MUSK: variants seen among roughly 807,000 people sequenced by gnomAD.
MUSK encodes muscle, skeletal receptor tyrosine-protein kinase.
A neutral mutation model predicts 88.7 loss-of-function variants in MUSK; 55 were observed. That is an observed-to-expected ratio of 0.62 (90% confidence interval 0.50 to 0.78). The LOEUF is 0.78. MUSK is among the 30% of genes least tolerant of loss of function. MUSK has a pLI of 0.00. For synonymous variants in MUSK, 387 were observed against 391.9 expected, an observed-to-expected ratio of 0.99 and a Z score of 0.15; for missense variants, 1,015 against 1,074.3, an observed-to-expected ratio of 0.94 and a Z score of 0.77.
At chr9:110,680,996 ATATAT>A (rs1158963644) in intron 1 of MUSK, among the ~76,000 whole-genome samples, 11 of 74,938 alleles carry the variant, frequency 1.5e-4, no homozygotes, top group Admixed American at 4.2e-4. Flanking sequence ...GATCCTTATA[ATATAT>A]TATATTATAT....
At chr9:110,782,242 TA>T (rs1266408695) in intron 11 of MUSK, among the ~76,000 whole-genome samples, 1 of 151,988 alleles carries the variant, frequency 6.6e-6, no homozygotes, top group East Asian at 1.9e-4. Context: ...AGAGAAAAGA[TA>T]AAAAGGAAAA....
At chr9:110,712,855 A>G (rs899437177) in intron 5 of MUSK, among the ~76,000 whole-genome samples, 1 of 152,004 alleles carries the variant, frequency 6.6e-6, no homozygotes, top group Admixed American at 6.6e-5. Flanking sequence ...TTTCTTGAAA[A>G]GTGTTCAAAT....
At chr9:110,776,589 C>G in intron 10 of MUSK, 43 bp from the exon 11 acceptor site, 1 of 1,511,224 alleles carries the variant, frequency 6.6e-7, no homozygotes, top group Non-Finnish European at 9.2e-7. Context: ...TGTGAGATAT[C>G]TGGATGCTCA....
chr9:110,728,418 G>C (rs572155176), intron 5 of MUSK: 1 of 424,524 alleles, frequency 2.4e-6, no homozygotes, highest in Admixed American at 4.1e-5. Context: ...GAGCTACATT[G>C]TTAGGTATGC....
intron 6 of MUSK, among the ~76,000 whole-genome samples, chr9:110,736,026 A>G (rs1364999319): frequency 6.6e-6 from 1 of 152,144 alleles, no homozygotes; most frequent in African/African-American, 2.4e-5. Context: ...TGGTGGGGAC[A>G]CAGATCTAAA....
intron 1 of MUSK, among the ~76,000 whole-genome samples, chr9:110,678,433 T>C (rs1296752120): frequency 6.6e-6 from 1 of 152,162 alleles, no homozygotes; most frequent in Non-Finnish European, 1.5e-5. Flanking sequence ...TATGAGCCAC[T>C]GCACCTGGCT....
At chr9:110,698,798 C>T (rs1228536024) in intron 5 of MUSK, among the ~76,000 whole-genome samples, 1 of 152,004 alleles carries the variant, frequency 6.6e-6, no homozygotes, top group African/African-American at 2.4e-5. Flanking sequence ...CTATTTGAAG[C>T]TCCGTATTCA....
At chr9:110,781,422 G>A (rs866999528) in intron 11 of MUSK, among the ~76,000 whole-genome samples, 9 of 151,974 alleles carry the variant, frequency 5.9e-5, no homozygotes, top group South Asian at 2.1e-4. Context: ...GACTACAGGC[G>A]CCCACCACCA....
At chr9:110,705,077 A>T (rs2076579664) in intron 5 of MUSK, among the ~76,000 whole-genome samples, 1 of 152,106 alleles carries the variant, frequency 6.6e-6, no homozygotes, top group Non-Finnish European at 1.5e-5. Context: ...CTTTATAAAG[A>T]GAACTTTATA....
At chr9:110,753,806 C>T (rs1349017584) in intron 7 of MUSK, among the ~76,000 whole-genome samples, 1 of 152,120 alleles carries the variant, frequency 6.6e-6, no homozygotes, top group Non-Finnish European at 1.5e-5. Context: ...CCAGATGAAC[C>T]ACATGGTTTT....
At chr9:110,773,263 C>T (rs1014764160) in intron 9 of MUSK, among the ~76,000 whole-genome samples, 7 of 151,968 alleles carry the variant, frequency 4.6e-5, no homozygotes, top group South Asian at 2.1e-4. Flanking sequence ...AAATAACAAA[C>T]GGAGAGGAGA....
intron 1 of MUSK, among the ~76,000 whole-genome samples, 191 bp downstream of exon 1, chr9:110,669,174 T>C (rs1049721665): frequency 2.0e-5 from 3 of 152,212 alleles, no homozygotes; most frequent in South Asian, 2.1e-4. Flanking sequence ...ACCAATATTT[T>C]ACTCCGAAGT....
rs189392425 is a variant in MUSK, at chr9:110,672,230, A to G, written c.79+3247A>G. Among the ~76,000 whole-genome samples the G allele has an allele frequency of 5.0e-3, 767 of 152,316 alleles. 9 individuals are homozygous for G. Among genetic ancestry groups the G allele is most frequent in the African/African-American group, 0.017 (725 of 41,562 alleles). On this transcript the variant is annotated intron_variant, in intron 1 of 14. Coordinates refer to ENST00000374448, the MANE Select transcript of MUSK (RefSeq NM_005592.4). ...TCTACCTTATTTCCAAAGGTAAATGAAGTAGGCAGCTTCTCAGTGAAATAA... is the reference window on the plus strand; with the variant it reads ...TCTACCTTATTTCCAAAGGTAAATGGAGTAGGCAGCTTCTCAGTGAAATAA...
intron 5 of MUSK, among the ~76,000 whole-genome samples, chr9:110,732,345 C>G (rs1355324745): frequency 6.6e-6 from 1 of 151,902 alleles, no homozygotes; most frequent in African/African-American, 2.4e-5. Context: ...ATTATTGTAA[C>G]CAGAAAACAT....
chr9:110,723,534 G>T (rs1188487979), intron 5 of MUSK, among the ~76,000 whole-genome samples: 2 of 151,992 alleles, frequency 1.3e-5, no homozygotes, highest in African/African-American at 4.8e-5. Flanking sequence ...ACCCTGCTCA[G>T]GTGATGGGTG....
chr9:110,739,623 C>T (rs1326029286), intron 6 of MUSK, among the ~76,000 whole-genome samples: 1 of 152,164 alleles, frequency 6.6e-6, no homozygotes, highest in Non-Finnish European at 1.5e-5. Flanking sequence ...GGTCATCTCT[C>T]AGGAGCCAAA....
rs551520537 is a variant in MUSK at position 110,800,821 on chromosome 9, G to A, written c.2443G>A (p.Val815Met). The change falls in exon 15 of 15, where the codon GTG becomes ATG. Residue 815 changes from valine to methionine, a missense_variant. Physicochemically the swap from Val to Met is conservative, Grantham distance 21 (BLOSUM62 1). Transcript: ENST00000374448. ...GGCCCATGAGGAGGTCATTTACTAC[G>A]TGCGAGATGGCAACATCCTCTCCTG... ...GMAHEEVIYYVRDGNILSCPE... is the reference protein window; with the variant it reads ...GMAHEEVIYYMRDGNILSCPE... The A allele has an allele frequency of 7.4e-6, 12 of 1,612,676 alleles. No individual in the cohort carries two copies. In the East Asian group the frequency reaches 1.1e-4, roughly 15 times the overall value.
rs764845862 is a variant in MUSK at position 110,776,675 on chromosome 9, C to G, written c.1384+20C>G. On this transcript the variant is annotated intron_variant, in intron 11 of 14. Coordinates refer to ENST00000374448, the MANE Select transcript of MUSK (RefSeq NM_005592.4). ...TAAAAAGTAAGTAATTGTGTTTGTG[C>G]CCTTGAAACCTTATGTGTATGTAAT... 17 of 1,571,774 alleles carry G rather than the reference C, an allele frequency of 1.1e-5. No homozygotes were observed. In the African/African-American group the frequency reaches 1.4e-4, roughly 13 times the overall value.
intron 1 of MUSK, among the ~76,000 whole-genome samples, chr9:110,682,097 A>G (rs1359068148): frequency 6.6e-6 from 1 of 151,960 alleles, no homozygotes; most frequent in African/African-American, 2.4e-5. Flanking sequence ...GTGTCTCTTC[A>G]TTTTCTAGTT....
Sources: gnomAD v4.1 joint callset for allele counts (sites outside exome capture counted in the v4.1 genomes callset) on GRCh38, gnomAD v4.1.1 for gene constraint, MANE v1.5 for transcripts, NCBI Gene and HGNC (gene_info 2026-07-23, HGNC 2026-07-21) for gene names.